The following HPSE2 variants were observed in gnomAD, a reference collection of about 807,000 sequenced individuals.
The protein encoded by HPSE2 is inactive heparanase-2.
Under a neutral mutation model 60.5 loss-of-function variants are expected in HPSE2, and 38 were observed. That is an observed-to-expected ratio of 0.63 (90% confidence interval 0.48 to 0.82). The LOEUF is 0.82. Among genes scored for constraint, HPSE2 ranks in the 40% least tolerant of loss-of-function variants. The probability of loss-of-function intolerance (pLI) is 0.00; values close to 1 mark genes in which losing one functional copy is unlikely to be tolerated. For missense variants in HPSE2, 713 were observed against 740.4 expected (o/e 0.96, Z 0.43); for synonymous variants, 295 against 293.2 (o/e 1.01, Z -0.06).
At chr10:99,075,179 C>T (rs1842917943) in intron 3 of HPSE2, among the ~76,000 whole-genome samples, 1 of 152,040 alleles carries the variant, frequency 6.6e-6, no homozygotes, top group African/African-American at 2.4e-5. Flanking sequence ...ATCAACTTTT[C>T]TCTTAGGATC....
At chr10:99,003,819 T>C (rs1203485496) in intron 3 of HPSE2, among the ~76,000 whole-genome samples, 1 of 152,170 alleles carries the variant, frequency 6.6e-6, no homozygotes, top group Non-Finnish European at 1.5e-5. Context: ...AGAAACTTTT[T>C]AGTTTGATAT....
chr10:98,885,694 T>A (rs991312670), intron 3 of HPSE2, among the ~76,000 whole-genome samples: 8 of 152,258 alleles, frequency 5.3e-5, no homozygotes, highest in African/African-American at 1.7e-4. Flanking sequence ...AGTTTTTTTT[T>A]AATTAATGTA....
chr10:99,155,431 A>G (rs1231737777), intron 2 of HPSE2, among the ~76,000 whole-genome samples: 1 of 149,322 alleles, frequency 6.7e-6, no homozygotes, highest in Non-Finnish European at 1.5e-5. Flanking sequence ...ATCAAACTAG[A>G]ACTCAGGATT....
chr10:98,992,031 G>A (rs1398439186), intron 3 of HPSE2, among the ~76,000 whole-genome samples: 1 of 152,146 alleles, frequency 6.6e-6, no homozygotes, highest in South Asian at 2.1e-4. Context: ...ATGTAGAAAT[G>A]AATCAATTGC....
chr10:99,294,865 G>C, the HPSE2 span, among the ~76,000 whole-genome samples: 1 of 152,036 alleles, frequency 6.6e-6, no homozygotes, highest in African/African-American at 2.4e-5. Context: ...CTGAGGCAGG[G>C]GCATTGTTTG....
intron 3 of HPSE2, among the ~76,000 whole-genome samples, chr10:98,868,078 AAAATAAAT>A (rs34543812): frequency 0.16 from 22,389 of 140,066 alleles, 1,876 homozygotes; most frequent in South Asian, 0.22. Context: ...AGAAAGAAAG[AAAATAAAT>A]AAATAAATAA....
chr10:98,941,161 G>T (rs1238799815), intron 3 of HPSE2, among the ~76,000 whole-genome samples: 1 of 139,342 alleles, frequency 7.2e-6, no homozygotes, highest in Non-Finnish European at 1.5e-5. Flanking sequence ...CAATCCCTTA[G>T]AAAACTGGCA....
At chr10:99,061,307 C>T (rs2135524086) in intron 3 of HPSE2, among the ~76,000 whole-genome samples, 1 of 152,086 alleles carries the variant, frequency 6.6e-6, no homozygotes, top group African/African-American at 2.4e-5. Context: ...TAACACACCT[C>T]CCCTACACCA....
chr10:99,081,888 G>A (rs1180906368), intron 3 of HPSE2, among the ~76,000 whole-genome samples: 2 of 151,996 alleles, frequency 1.3e-5, no homozygotes, highest in South Asian at 2.1e-4. Flanking sequence ...CGCCCGCCTG[G>A]GCCTCCCAAA....
intron 3 of HPSE2, among the ~76,000 whole-genome samples, chr10:98,994,939 A>G (rs1956608846): frequency 6.6e-6 from 1 of 152,108 alleles, no homozygotes; most frequent in South Asian, 2.1e-4. Context: ...TCAAAACAGC[A>G]CCTTTGGGCC....
intron 3 of HPSE2, among the ~76,000 whole-genome samples, chr10:98,863,331 G>T (rs551155941): frequency 2.6e-5 from 4 of 152,132 alleles, no homozygotes; most frequent in African/African-American, 9.6e-5. Flanking sequence ...GAAAACAGGA[G>T]TAGACCTGGC....
chr10:98,895,077 T>TA (rs983443902), intron 3 of HPSE2, among the ~76,000 whole-genome samples: 11 of 151,816 alleles, frequency 7.2e-5, no homozygotes, highest in Non-Finnish European at 1.6e-4. Flanking sequence ...ATCTGAAGTT[T>TA]AAAAAAAATT....
chr10:99,108,290 A>T (rs764268874), intron 3 of HPSE2, among the ~76,000 whole-genome samples: 7 of 152,180 alleles, frequency 4.6e-5, no homozygotes, highest in Non-Finnish European at 7.3e-5. Context: ...GAAGAAAAGT[A>T]CTAAGCAAGT....
intron 3 of HPSE2, among the ~76,000 whole-genome samples, chr10:99,028,386 C>T (rs1589541233): frequency 2.0e-5 from 3 of 151,822 alleles, no homozygotes; most frequent in Non-Finnish European, 4.4e-5. Context: ...AAAAGTAATC[C>T]CATTTACAAT....
intron 5 of HPSE2, among the ~76,000 whole-genome samples, chr10:98,707,605 A>T (rs145417508): frequency 1.3e-5 from 2 of 152,254 alleles, no homozygotes; most frequent in East Asian, 3.9e-4. Flanking sequence ...CCACATCTGC[A>T]CCCTATATCT....
chr10:99,122,152 G>A (rs11189982), intron 3 of HPSE2, among the ~76,000 whole-genome samples: 77,336 of 151,840 alleles, frequency 0.51, 21,490 homozygotes, highest in East Asian at 0.65. Context: ...AAATATTTTT[G>A]TCTGTATTAT....
intron 2 of HPSE2, among the ~76,000 whole-genome samples, chr10:99,213,248 A>G (rs1160592182): frequency 6.6e-6 from 1 of 152,158 alleles, no homozygotes; most frequent in Non-Finnish European, 1.5e-5. Flanking sequence ...CAGAGAAGAG[A>G]AAAAATACTC....
intron 9 of HPSE2, among the ~76,000 whole-genome samples, chr10:98,542,055 C>A (rs958136125): frequency 2.7e-4 from 40 of 148,036 alleles, no homozygotes; most frequent in African/African-American, 9.9e-4. Context: ...GACCCCCAAG[C>A]AGCCTAACTG....
chr10:98,729,350 C>A (rs1350414115), intron 4 of HPSE2, among the ~76,000 whole-genome samples: 1 of 152,076 alleles, frequency 6.6e-6, no homozygotes, highest in Non-Finnish European at 1.5e-5. Flanking sequence ...TGGCTCACAC[C>A]TGTAATCTCA....
Sources: allele counts gnomAD v4.1 joint callset (sites outside exome capture counted in the v4.1 genomes callset), GRCh38; gene constraint gnomAD v4.1.1; transcripts MANE v1.5; gene names NCBI Gene and HGNC (gene_info 2026-07-23, HGNC 2026-07-21).